The following PTPN14 variants were observed in gnomAD, a reference collection of about 807,000 sequenced individuals.
PTPN14 encodes the protein tyrosine-protein phosphatase non-receptor type 14.
In PTPN14, 53 loss-of-function variants were observed where a neutral mutation model predicts 126.8. The observed-to-expected ratio is 0.42, with a 90% CI of 0.34 to 0.53. The LOEUF (loss-of-function observed/expected upper bound fraction) is 0.53, where lower values mean the gene tolerates loss of function less well. Ranked by LOEUF, PTPN14 falls within the 20% of genes least tolerant of loss-of-function variation. PTPN14 has a pLI of 0.08. For synonymous variants in PTPN14, 630 were observed against 599.3 expected, an observed-to-expected ratio of 1.05 and a Z score of -0.75; for missense variants, 1,257 against 1,552.9, an observed-to-expected ratio of 0.81 and a Z score of 3.20.
intron 1 of PTPN14, among the ~76,000 whole-genome samples, chr1:214,547,103 T>C (rs904030221): frequency 7.2e-5 from 11 of 152,336 alleles, no homozygotes; most frequent in African/African-American, 1.9e-4. Context: ...TCCACAAGCA[T>C]TGCATCATAT....
chr1:214,548,018 C>G (rs1656014765), intron 1 of PTPN14, among the ~76,000 whole-genome samples: 1 of 152,052 alleles, frequency 6.6e-6, no homozygotes, highest in Non-Finnish European at 1.5e-5. Context: ...TGGCCACATA[C>G]AAGTCCTTGA....
At chr1:214,448,057 T>A (rs1191462256) in intron 3 of PTPN14, among the ~76,000 whole-genome samples, 1 of 152,224 alleles carries the variant, frequency 6.6e-6, no homozygotes, top group Non-Finnish European at 1.5e-5. Flanking sequence ...TATACCTCCC[T>A]CTTTGAAATT....
intron 1 of PTPN14, chr1:214,483,085 A>C: frequency 6.2e-7 from 1 of 1,611,414 alleles, no homozygotes; most frequent in East Asian, 2.2e-5. Flanking sequence ...AGACATTTTC[A>C]AAACATTTGT....
intron 1 of PTPN14, chr1:214,482,989 T>C (rs1194529562): frequency 5.1e-6 from 8 of 1,578,270 alleles, no homozygotes; most frequent in South Asian, 2.2e-5. Context: ...ATCTCATTCA[T>C]GTTTGTCTCC....
intron 3 of PTPN14, among the ~76,000 whole-genome samples, chr1:214,424,579 G>A (rs774528692): frequency 6.6e-6 from 1 of 151,176 alleles, no homozygotes; most frequent in Non-Finnish European, 1.5e-5. Context: ...CCAGGCTGGA[G>A]TGCAGTGATG....
At chr1:214,460,382 T>C (rs4655347) in intron 2 of PTPN14, among the ~76,000 whole-genome samples, 125,964 of 151,956 alleles carry the variant, frequency 0.83, 52,313 homozygotes, top group African/African-American at 0.89. Flanking sequence ...TTCCCTTCCA[T>C]GACCCTTTCA....
intron 3 of PTPN14, among the ~76,000 whole-genome samples, chr1:214,450,825 A>G (rs1660257710): frequency 6.6e-6 from 1 of 152,248 alleles, no homozygotes; most frequent in Non-Finnish European, 1.5e-5. Context: ...CATTCACTGA[A>G]TATGCTTTAT....
rs534977584 is a variant in PTPN14 at position 214,393,818 on chromosome 1, G to A, written c.847-41C>T. On this transcript the variant is annotated intron_variant, in intron 9 of 18. Transcript: ENST00000366956. ...ACAGAGAAAAAAATAAACATTTGTTGAATTAGTTATACATTTCATTAAGAT... is the reference window on the plus strand; with the variant it reads ...ACAGAGAAAAAAATAAACATTTGTTAAATTAGTTATACATTTCATTAAGAT... The A allele has an allele frequency of 2.8e-6, 4 of 1,444,144 alleles. No homozygotes were observed. In the African/African-American group the frequency reaches 4.2e-5, roughly 15 times the overall value. The allele number at this position is 1,444,144 out of a possible 1,614,324, so 89.5% of individuals were successfully genotyped here. A position where few individuals can be genotyped will look rare whatever the true frequency, so the allele number is the denominator to read the frequency against.
rs1219892475 is a variant in PTPN14, at chr1:214,533,584, C to A, written c.-155+17599G>T. The stretch of plus-strand genomic sequence containing the variant: ...CGGTGGCTCACGCCTGTAATCCCAG[C>A]ACTTTGGGAGGCCGAGGCGGGCAGA... On this transcript the variant is annotated intron_variant, in intron 1 of 18. Coordinates refer to ENST00000366956, the MANE Select transcript of PTPN14 (RefSeq NM_005401.5). 4.9e-5 allele frequency: 11 copies of A among 226,614 alleles called. No individual in the cohort carries two copies. In the East Asian group the frequency reaches 1.2e-3, roughly 24 times the overall value. 14.0% of individuals were successfully genotyped at this position (226,614 alleles called of 1,614,324 possible).
At position 214,354,426 on chromosome 1, in the gene PTPN14, T is replaced by C. The variant is rs1018856327; in HGVS notation, c.*3496A>G. 2.0e-5 allele frequency: 3 copies of C among 152,230 alleles called. No homozygotes were observed. Among genetic ancestry groups the C allele is most frequent in the Non-Finnish European group, 4.4e-5 (3 of 68,040 alleles). 9.4% of individuals were successfully genotyped at this position (152,230 alleles called of 1,614,324 possible). On this transcript the variant is annotated 3_prime_UTR_variant, in exon 19 of 19. Coordinates refer to ENST00000366956, the MANE Select transcript of PTPN14 (RefSeq NM_005401.5). ...TTTTTCATGCAACTAAATCCTCCTT[T>C]ACTTCCTATCTGGGGAAAGAAGTGC...
intron 2 of PTPN14, among the ~76,000 whole-genome samples, chr1:214,458,675 T>C (rs1256543189): frequency 1.3e-5 from 2 of 152,192 alleles, no homozygotes; most frequent in Admixed American, 6.5e-5. Context: ...CTCAGGCAGT[T>C]TGGTCCAAGC....
intron 1 of PTPN14, among the ~76,000 whole-genome samples, chr1:214,535,564 T>C (rs966274550): frequency 6.6e-6 from 1 of 152,072 alleles, no homozygotes; most frequent in Non-Finnish European, 1.5e-5. Flanking sequence ...GATCACCTGA[T>C]GTCAGAAATT....
chr1:214,471,211 T>C (rs61819625), intron 1 of PTPN14, among the ~76,000 whole-genome samples: 13,762 of 151,660 alleles, frequency 0.091, 634 homozygotes, highest in South Asian at 0.12. Flanking sequence ...TTTGTCTCAG[T>C]AAAGCAACTG....
At chr1:214,369,393 G>T in intron 17 of PTPN14, 64 bp downstream of exon 17, 1 of 1,467,110 alleles carries the variant, frequency 6.8e-7, no homozygotes, top group Non-Finnish European at 9.5e-7. Flanking sequence ...ATCTCCAACA[G>T]ATGAATTATT....
chr1:214,355,958 CCT>C lies in PTPN14; in HGVS notation c.*1962_*1963del. ...CTAGTTTTTCTTGACAACCTTTTTTCCTTTTTTTTTTTTTTTTTTGGAGGCAG... is the reference window on the plus strand; with the variant it reads ...CTAGTTTTTCTTGACAACCTTTTTTCTTTTTTTTTTTTTTTTTGGAGGCAG... On this transcript the variant is annotated 3_prime_UTR_variant, in exon 19 of 19. Coordinates refer to ENST00000366956, the MANE Select transcript of PTPN14 (RefSeq NM_005401.5). 1 of 114,966 alleles carries C rather than the reference CCT, an allele frequency of 8.7e-6. No homozygotes were observed. The highest frequency in any genetic ancestry group is 3.8e-5 in the African/African-American group (1 of 26,530). The allele number at this position is 114,966 out of a possible 1,614,324, so 7.1% of individuals were successfully genotyped here.
chr1:214,402,790 C>T (rs74621568), intron 6 of PTPN14, 93 bp downstream of exon 6: 2 of 1,408,034 alleles, frequency 1.4e-6, no homozygotes, highest in Non-Finnish European at 2.0e-6. Context: ...TTGGCTCAAG[C>T]CCAGAGTTGC....
At chr1:214,534,825 G>T (rs1655662319) in intron 1 of PTPN14, among the ~76,000 whole-genome samples, 1 of 152,178 alleles carries the variant, frequency 6.6e-6, no homozygotes, top group Non-Finnish European at 1.5e-5. Flanking sequence ...TGGGAATCAT[G>T]TGGGATGAGT....
At chr1:214,541,649 G>T (rs371652706) in intron 1 of PTPN14, among the ~76,000 whole-genome samples, 1 of 152,142 alleles carries the variant, frequency 6.6e-6, no homozygotes, top group Non-Finnish European at 1.5e-5. Flanking sequence ...ACGTGATGGT[G>T]ATTTACCTGT....
intron 1 of PTPN14, among the ~76,000 whole-genome samples, chr1:214,522,974 T>C (rs1655295877): frequency 6.6e-6 from 1 of 152,154 alleles, no homozygotes; most frequent in African/African-American, 2.4e-5. Context: ...TCGAGATCTT[T>C]TGAAATTGTG....
Sources: gnomAD v4.1 joint callset for allele counts (sites outside exome capture counted in the v4.1 genomes callset) on GRCh38, gnomAD v4.1.1 for gene constraint, MANE v1.5 for transcripts, NCBI Gene and HGNC (gene_info 2026-07-23, HGNC 2026-07-21) for gene names.